The following CTU2 variants were observed in gnomAD, a reference collection of about 807,000 sequenced individuals.
The protein encoded by CTU2 is cytoplasmic tRNA 2-thiolation protein 2.
Under a neutral mutation model 64.1 loss-of-function variants are expected in CTU2, and 80 were observed. The ratio of observed to expected loss-of-function variants is 1.25; its 90% confidence interval spans 1.04 to 1.50. The LOEUF (loss-of-function observed/expected upper bound fraction) is 1.50, where lower values mean the gene tolerates loss of function less well. Ranked by LOEUF, CTU2 falls within the 40% of genes most tolerant of loss-of-function variation. The pLI is 0.00. For missense variants in CTU2, 1,110 were observed against 690.2 expected, an observed-to-expected ratio of 1.61 and a Z score of -6.81; for synonymous variants, 482 against 285.3, an observed-to-expected ratio of 1.69 and a Z score of -6.95.
chr16:88,712,033 G>A (rs1911363188), intron 5 of CTU2: 1 of 651,274 alleles, frequency 1.5e-6, no homozygotes, highest in Non-Finnish European at 2.8e-6. Context: ...GGGCCCAGGG[G>A]CCGACTCCCC....
chr16:88,714,374 C>A lies in CTU2; in HGVS notation c.1098-9C>A. On this transcript the variant is annotated splice_polypyrimidine_tract_variant and intron_variant, in intron 10 of 14. Coordinates refer to ENST00000453996, the MANE Select transcript of CTU2 (RefSeq NM_001012759.3). The stretch of plus-strand genomic sequence containing the variant: ...TGATTCACCTGCTCCTCCCACAATC[C>A]GGCCACAGGACAAGTGAGAAGCTGG... The A allele has an allele frequency of 1.9e-6, 3 of 1,612,200 alleles. No individual in the cohort carries two copies. Among genetic ancestry groups the A allele is most frequent in the African/African-American group, 1.3e-5 (1 of 75,042 alleles).
intron 4 of CTU2, 80 bp from the exon 5 acceptor site, chr16:88,711,555 C>T (rs1480575000): frequency 1.1e-5 from 15 of 1,350,754 alleles, no homozygotes; most frequent in Non-Finnish European, 1.4e-5. Flanking sequence ...GCATTAAATC[C>T]AGATGAAGAA....
In CTU2 at chr16:88,714,067, T is replaced by C. The variant is rs1039927775; in HGVS notation, c.1006-69T>C. 2.1e-5 allele frequency: 31 copies of C among 1,473,808 alleles called. No individual in the cohort carries two copies. In the African/African-American group the frequency reaches 3.5e-4, roughly 16 times the overall value. The allele number at this position is 1,473,808 out of a possible 1,614,324, so 91.3% of individuals were successfully genotyped here. ...AGCGTGGAACCCACGGCACCTGTCC[T>C]GGGGACTCTGCCCCAGCCTGGGGCT... On this transcript the variant is annotated intron_variant, in intron 9 of 14. Coordinates refer to ENST00000453996, the MANE Select transcript of CTU2 (RefSeq NM_001012759.3).
In CTU2 at chr16:88,714,880, T is replaced by C. The variant is rs764094808; in HGVS notation, c.1373T>C (p.Ile458Thr). 138 of 1,612,508 alleles carry C rather than the reference T, an allele frequency of 8.6e-5. No homozygotes were observed. The highest frequency in any genetic ancestry group is 1.6e-4 in the Middle Eastern group (1 of 6,078). Residue 458 changes from isoleucine to threonine, a missense_variant, in exon 13 of 15, where the codon ATT (isoleucine) becomes ACT (threonine). Ile to Thr is a moderately conservative substitution (Grantham distance 89). Transcript: ENST00000453996. The stretch of plus-strand genomic sequence containing the variant: ...CGCAGGGAGGACCCCCAAGCCTGCA[T>C]TGAGGAGCAGCTGTGCTACAGCTGC... Reference protein sequence around the residue: ...ACRREDPQACIEEQLCYSCRV... With the variant: ...ACRREDPQACTEEQLCYSCRV...
chr16:88,710,461 C>A, intron 4 of CTU2, 179 bp downstream of exon 4: 1 of 618,796 alleles, frequency 1.6e-6, no homozygotes, highest in South Asian at 2.0e-5. Flanking sequence ...GGAGCTGAGT[C>A]CACAGTGTGT....
rs926143649 is a variant in CTU2, at chr16:88,707,292, A to G, written c.143+82A>G. On this transcript the variant is annotated intron_variant, in intron 2 of 14. Coordinates refer to ENST00000453996, the MANE Select transcript of CTU2 (RefSeq NM_001012759.3). ...TAGCCGCAACTTGTGATGCTTTGTT[A>G]ATTCTTTTTAAAAACATGTACTTAC... is the stretch of plus-strand genomic sequence containing the variant. The G allele has an allele frequency of 2.3e-6, 3 of 1,280,310 alleles. No individual in the cohort carries two copies. The African/African-American group carries it at 4.4e-5, about 19-fold the overall frequency. 79.3% of individuals were successfully genotyped at this position (1,280,310 alleles called of 1,614,324 possible).
In CTU2 at chr16:88,714,702, C is replaced by T; in HGVS notation, c.1317C>T (p.Gly439=). 1 of 1,611,010 alleles carries T rather than the reference C, an allele frequency of 6.2e-7. No homozygotes were observed. The highest frequency in any genetic ancestry group is 1.7e-5 in the Admixed American group (1 of 59,702). The change falls in exon 12 of 15, where the codon GGC becomes GGT. Residue 439 remains glycine, a synonymous_variant. Transcript: ENST00000453996. The part of the protein sequence containing the change: ...PPGPCCSPGV[G]WAQRCGQGAC... ...GGCCCTGCTGTTCTCCAGGGGTGGG[C>T]TGGGCCCAGCGCTGTGGCCAGGGGG...
rs1255122968 is a variant in CTU2, at chr16:88,706,539, G to C, written c.9G>C (p.Gln3His). The part of the protein sequence containing the change: MC[Q>H]VGEDYGEPAP... ...CGGGACCCGGCGTGCCCATGTGTCAGGTGGGCGAGGACTACGGGGAGCCGG... is the reference window on the plus strand; with the variant it reads ...CGGGACCCGGCGTGCCCATGTGTCACGTGGGCGAGGACTACGGGGAGCCGG... The change falls in exon 1 of 15, where the codon CAG (glutamine) becomes CAC (histidine). Residue 3 changes from glutamine to histidine, a missense_variant. Transcript: ENST00000453996. The C allele has an allele frequency of 1.4e-6, 2 of 1,457,528 alleles. No homozygotes were observed. Among genetic ancestry groups the C allele is most frequent in the African/African-American group, 1.5e-5 (1 of 67,512 alleles). The allele number at this position is 1,457,528 out of a possible 1,614,324, so 90.3% of individuals were successfully genotyped here.
rs750434232 is a variant in CTU2, at chr16:88,713,698, G to A, written c.925G>A (p.Asp309Asn). The A allele has an allele frequency of 2.5e-6, 4 of 1,612,630 alleles. No homozygotes were observed. In the East Asian group the frequency reaches 8.9e-5, roughly 36 times the overall value. The change falls in exon 9 of 15, where the codon GAC (aspartate) becomes AAC (asparagine). Residue 309 changes from aspartate to asparagine, a missense_variant. Coordinates refer to ENST00000453996, the MANE Select transcript of CTU2 (RefSeq NM_001012759.3). Reference protein sequence around the residue: ...GDVVVVRPMRDHTLKEVAFYN... With the variant: ...GDVVVVRPMRNHTLKEVAFYN... ...CGTGGTGGTGGTGCGGCCCATGCGGGACCACACCCTGAAGGAGGTCGCTTT... is the reference window on the plus strand; with the variant it reads ...CGTGGTGGTGGTGCGGCCCATGCGGAACCACACCCTGAAGGAGGTCGCTTT...
At chr16:88,706,686 G>A in intron 1 of CTU2, 88 bp downstream of exon 1, 1 of 1,037,644 alleles carries the variant, frequency 9.6e-7, no homozygotes. Context: ...GCTTGCTCCG[G>A]GAAGCCCCGC....
chr16:88,711,343 C>T (rs754190761), intron 4 of CTU2, among the ~76,000 whole-genome samples: 4 of 152,092 alleles, frequency 2.6e-5, no homozygotes, highest in Non-Finnish European at 5.9e-5. Context: ...GTAACCCAGC[C>T]CCCTCTCCTG....
In CTU2 at chr16:88,713,328, C is replaced by A. The variant is rs145636355; in HGVS notation, c.754C>A (p.His252Asn). Residue 252 changes from histidine to asparagine, a missense_variant, in exon 8 of 15, where the codon CAC becomes AAC. Physicochemically the swap from His to Asn is moderately conservative, Grantham distance 68. Transcript: ENST00000453996. ...LQTLRTHLIL[H>N]MARAHGYSKV... ...GTGCTTTAGGACCCACCTGATCCTC[C>A]ACATGGCCCGAGCCCACGGCTACTC... 42 of 1,599,142 alleles carry A rather than the reference C, an allele frequency of 2.6e-5. No individual in the cohort carries two copies. Among genetic ancestry groups the A allele is most frequent in the Non-Finnish European group, 3.4e-5 (40 of 1,174,296 alleles).
chr16:88,713,651 T>A lies in CTU2; in HGVS notation c.878T>A (p.Phe293Tyr), dbSNP rs757074584. ...RGAFLAWDTGFSDERHGDVVV... is the reference protein window; with the variant it reads ...RGAFLAWDTGYSDERHGDVVV... ...CACAGCCCCTGCCTCCCGCAGGGCT[T>A]CTCGGATGAGCGGCACGGGGACGTG... Residue 293 changes from phenylalanine to tyrosine, a missense_variant, in exon 9 of 15, where the codon TTC becomes TAC. By Grantham distance (22) the Phe-to-Tyr change is conservative (BLOSUM62 3). Transcript: ENST00000453996. 101 of 1,611,998 alleles carry A rather than the reference T, an allele frequency of 6.3e-5. No individual in the cohort carries two copies. Among genetic ancestry groups the A allele is most frequent in the Non-Finnish European group, 8.3e-5 (98 of 1,179,624 alleles).
At chr16:88,710,098 C>T in intron 3 of CTU2, 82 bp downstream of exon 3, 7 of 1,570,200 alleles carry the variant, frequency 4.5e-6, no homozygotes, top group Non-Finnish European at 5.3e-6. Context: ...GCAGCCTGGC[C>T]TGCTGCAGCC....
chr16:88,714,974 G>GGAT, intron 13 of CTU2, 48 bp downstream of exon 13: 1 of 1,522,394 alleles, frequency 6.6e-7, no homozygotes, highest in Non-Finnish European at 8.9e-7. Context: ...GACGCGGGAA[G>GGAT]GCCGTCACCT....
chr16:88,710,062 G>A (rs751411884), intron 3 of CTU2, 46 bp downstream of exon 3: 7 of 1,603,912 alleles, frequency 4.4e-6, no homozygotes, highest in Middle Eastern at 1.7e-4. Context: ...CTGGCCCCTC[G>A]AGGTCCCTGC....
intron 1 of CTU2, 97 bp downstream of exon 1, chr16:88,706,695 G>T (rs1272425256): frequency 5.4e-6 from 5 of 924,462 alleles, no homozygotes; most frequent in South Asian, 4.8e-5. Flanking sequence ...GGGAAGCCCC[G>T]CGTGGAGAGC....
Position 88,711,927 on chromosome 16 carries a change from A to G in CTU2, c.343+232A>G. 3 of 603,984 alleles carry G rather than the reference A, an allele frequency of 5.0e-6. No homozygotes were observed. The East Asian group carries it at 8.3e-5, about 17-fold the overall frequency. 37.4% of individuals were successfully genotyped at this position (603,984 alleles called of 1,614,324 possible). On this transcript the variant is annotated intron_variant, in intron 5 of 14. Coordinates refer to ENST00000453996, the MANE Select transcript of CTU2 (RefSeq NM_001012759.3). ...GTTCCTGGAATCTAAGAACATCCTT[A>G]GAAAGTCGGGGGTGGGAGCAGGAGT...
rs897773962 is a variant in CTU2, at chr16:88,715,391, A to G, written c.*140A>G. 9.6e-7 allele frequency: 1 copy of G among 1,043,936 alleles called. No homozygotes were observed. The highest frequency in any genetic ancestry group is 1.4e-6 in the Non-Finnish European group (1 of 733,988). The allele number at this position is 1,043,936 out of a possible 1,614,324, so 64.7% of individuals were successfully genotyped here. ...ATTTTTTAATTAAAAAAAAAACTCTACAGTACACGTGGGGGACGGCAGCGC... is the reference window on the plus strand; with the variant it reads ...ATTTTTTAATTAAAAAAAAAACTCTGCAGTACACGTGGGGGACGGCAGCGC... On this transcript the variant is annotated 3_prime_UTR_variant, in exon 15 of 15. Coordinates refer to ENST00000453996, the MANE Select transcript of CTU2 (RefSeq NM_001012759.3).
Sources: gnomAD v4.1 joint callset for allele counts (sites outside exome capture counted in the v4.1 genomes callset) on GRCh38, gnomAD v4.1.1 for gene constraint, MANE v1.5 for transcripts, NCBI Gene and HGNC (gene_info 2026-07-23, HGNC 2026-07-21) for gene names.